The following SDK1 variants were observed in gnomAD, a reference collection of about 807,000 sequenced individuals.
SDK1 encodes sidekick cell adhesion molecule 1.
In SDK1, 157 loss-of-function variants were observed where a neutral mutation model predicts 245.5. The ratio of observed to expected loss-of-function variants is 0.64; its 90% CI spans 0.56 to 0.73. The LOEUF is 0.73. Ranked by LOEUF, SDK1 falls within the 30% of genes least tolerant of loss-of-function variation. The pLI is 0.00. For missense variants in SDK1, 3,583 were observed against 3,002.3 expected, an observed-to-expected ratio of 1.19 and a Z score of -4.52; for synonymous variants, 1,647 against 1,278.5, an observed-to-expected ratio of 1.29 and a Z score of -6.15.
At chr7:3,392,363 A>G (rs149426789) in intron 1 of SDK1, among the ~76,000 whole-genome samples, 8 of 152,130 alleles carry the variant, frequency 5.3e-5, no homozygotes, top group African/African-American at 9.7e-5. Flanking sequence ...TCTTTGTCCA[A>G]TTGTGGTGCC....
intron 1 of SDK1, among the ~76,000 whole-genome samples, chr7:3,360,272 C>G (rs1216004121): frequency 2.0e-5 from 3 of 152,300 alleles, no homozygotes; most frequent in Admixed American, 6.5e-5. Flanking sequence ...GCTTGATAGA[C>G]AATCTGTTGA....
At chr7:4,174,457 G>A (rs980572917) in intron 33 of SDK1, 100 bp downstream of exon 33, 2 of 1,337,312 alleles carry the variant, frequency 1.5e-6, no homozygotes, top group Admixed American at 1.9e-5. Flanking sequence ...TGTGGAAGAG[G>A]CTGAGAGAAG....
At chr7:3,400,800 A>C (rs1009905793) in intron 1 of SDK1, among the ~76,000 whole-genome samples, 2 of 152,190 alleles carry the variant, frequency 1.3e-5, no homozygotes, top group African/African-American at 2.4e-5. Context: ...CTTCATGTTA[A>C]CACATGAGAT....
chr7:3,653,401 G>T (rs1225439360), intron 4 of SDK1, among the ~76,000 whole-genome samples: 1 of 152,154 alleles, frequency 6.6e-6, no homozygotes, highest in Non-Finnish European at 1.5e-5. Flanking sequence ...GGATTGACAA[G>T]GTTTAGGGAG....
chr7:4,180,911 A>G (rs1782567968), intron 35 of SDK1, among the ~76,000 whole-genome samples: 1 of 151,998 alleles, frequency 6.6e-6, no homozygotes, highest in Non-Finnish European at 1.5e-5. Context: ...ATAGCTCAAC[A>G]TGAGACTTGG....
chr7:3,863,510 C>A (rs370309373), intron 5 of SDK1, among the ~76,000 whole-genome samples: 7 of 152,306 alleles, frequency 4.6e-5, no homozygotes, highest in Admixed American at 2.0e-4. Flanking sequence ...ACCACCATTA[C>A]CACCATCCAT....
At chr7:4,100,210 G>A (rs1235896868) in intron 22 of SDK1, among the ~76,000 whole-genome samples, 2 of 152,204 alleles carry the variant, frequency 1.3e-5, no homozygotes, top group African/African-American at 4.8e-5. Flanking sequence ...CAGATCTGAT[G>A]GGAGGGAGGG....
At chr7:3,901,967 C>T (rs1781804960) in intron 5 of SDK1, among the ~76,000 whole-genome samples, 3 of 152,222 alleles carry the variant, frequency 2.0e-5, no homozygotes, top group South Asian at 2.1e-4. Flanking sequence ...CTATCTTTTC[C>T]GGATGTTCTC....
intron 44 of SDK1, among the ~76,000 whole-genome samples, chr7:4,260,765 G>A (rs1178160970): frequency 3.4e-5 from 5 of 147,434 alleles, no homozygotes; most frequent in Admixed American, 2.0e-4. Flanking sequence ...TGGCTGCTCC[G>A]GGGTCTCTGT....
At chr7:4,051,451 A>G (rs1262620511) in intron 18 of SDK1, among the ~76,000 whole-genome samples, 187 bp from the exon 19 acceptor site, 1 of 151,980 alleles carries the variant, frequency 6.6e-6, no homozygotes, top group Admixed American at 6.6e-5. Flanking sequence ...ACATGCTTGT[A>G]TACAAAAACC....
intron 5 of SDK1, among the ~76,000 whole-genome samples, chr7:3,889,057 G>T (rs770431736): frequency 6.6e-6 from 1 of 152,132 alleles, no homozygotes. Context: ...ATAATCAACC[G>T]TGGCTCTTGC....
At chr7:4,260,836 G>A (rs1257708001) in intron 44 of SDK1, among the ~76,000 whole-genome samples, 3 of 148,050 alleles carry the variant, frequency 2.0e-5, no homozygotes, top group African/African-American at 7.5e-5. Flanking sequence ...CGGGGTCTCT[G>A]CATGTGTGGG....
intron 1 of SDK1, among the ~76,000 whole-genome samples, chr7:3,560,210 T>C (rs1407030086): frequency 3.9e-5 from 6 of 152,244 alleles, no homozygotes; most frequent in Admixed American, 6.5e-5. Context: ...TTGAATACCC[T>C]AGCGTATCTT....
intron 17 of SDK1, among the ~76,000 whole-genome samples, chr7:4,033,792 A>G (rs71527467): frequency 0.24 from 36,584 of 152,012 alleles, 6,137 homozygotes; most frequent in African/African-American, 0.49. Context: ...AAGTCTGACA[A>G]TACTCTGATG....
At chr7:4,255,756 G>A (rs1204777232) in intron 44 of SDK1, among the ~76,000 whole-genome samples, 1 of 152,094 alleles carries the variant, frequency 6.6e-6, no homozygotes, top group Non-Finnish European at 1.5e-5. Flanking sequence ...TCTGCCCAGG[G>A]TGGAATTTCT....
At chr7:3,675,392 A>G (rs1034116001) in intron 4 of SDK1, among the ~76,000 whole-genome samples, 1 of 152,152 alleles carries the variant, frequency 6.6e-6, no homozygotes, top group African/African-American at 2.4e-5. Flanking sequence ...CTTGTATTCA[A>G]CACTTAGCTA....
At chr7:3,399,412 C>T (rs1393111735) in intron 1 of SDK1, among the ~76,000 whole-genome samples, 5 of 152,038 alleles carry the variant, frequency 3.3e-5, no homozygotes, top group African/African-American at 1.2e-4. Flanking sequence ...GTCTTAAGTT[C>T]AACATCTAGG....
At chr7:3,567,092 A>G (rs1197533923) in intron 1 of SDK1, among the ~76,000 whole-genome samples, 1 of 152,198 alleles carries the variant, frequency 6.6e-6, no homozygotes, top group Non-Finnish European at 1.5e-5. Flanking sequence ...AATAAGGGAT[A>G]TGCCTGAGGT....
At chr7:3,927,884 C>A (rs139260150) in intron 5 of SDK1, among the ~76,000 whole-genome samples, 4 of 152,102 alleles carry the variant, frequency 2.6e-5, no homozygotes, top group Non-Finnish European at 5.9e-5. Context: ...TGTTCCTCAC[C>A]GCAGAACTAC....
Sources: gnomAD v4.1 joint callset for allele counts (sites outside exome capture counted in the v4.1 genomes callset) on GRCh38, gnomAD v4.1.1 for gene constraint, MANE v1.5 for transcripts, NCBI Gene and HGNC (gene_info 2026-07-23, HGNC 2026-07-21) for gene names.